The following TNPO1 variants were observed in gnomAD, a reference collection of about 807,000 sequenced individuals.
TNPO1 encodes transportin-1.
In TNPO1, 8 loss-of-function variants were observed where a neutral mutation model predicts 119.5. That is an observed-to-expected ratio of 0.07 (90% confidence interval 0.04 to 0.12). The LOEUF is 0.12. Ranked by LOEUF, TNPO1 falls within the 10% of genes least tolerant of loss-of-function variation. The probability of loss-of-function intolerance (pLI) is 1.00; values close to 1 mark genes in which losing one functional copy is unlikely to be tolerated. For missense variants in TNPO1, 576 were observed against 1,089.8 expected, an observed-to-expected ratio of 0.53 and a Z score of 6.64; for synonymous variants, 362 against 363.0, an observed-to-expected ratio of 1.00 and a Z score of 0.03.
intron 3 of TNPO1, among the ~76,000 whole-genome samples, chr5:72,853,992 A>G (rs1396949297): frequency 2.6e-5 from 4 of 152,186 alleles, no homozygotes; most frequent in Non-Finnish European, 4.4e-5. Flanking sequence ...TTAATATTGA[A>G]TTGTTTCACC....
chr5:72,851,466 A>G, intron 3 of TNPO1, 147 bp downstream of exon 3: 1 of 566,820 alleles, frequency 1.8e-6, no homozygotes, highest in Non-Finnish European at 3.1e-6. Flanking sequence ...AATACCACTC[A>G]GTATTTACAT....
At chr5:72,849,044 G>A (rs1330679005) in intron 2 of TNPO1, among the ~76,000 whole-genome samples, 3 of 151,780 alleles carry the variant, frequency 2.0e-5, no homozygotes, top group South Asian at 2.1e-4. Context: ...CCACGTCCTT[G>A]CCCTAAAAAG....
Position 72,909,219 on chromosome 5 carries a change from ATATAGT to A in TNPO1, c.*549_*554del, listed in dbSNP as rs1350800159. On this transcript the variant is annotated 3_prime_UTR_variant, in exon 25 of 25. Coordinates refer to ENST00000337273, the MANE Select transcript of TNPO1 (RefSeq NM_002270.4). ...ATGAAGAACTACACAAAGAAAACTA[ATATAGT>A]TAAAAGTCAGCTTGCCTTCCCGTAG... 3 of 152,886 alleles carry A rather than the reference ATATAGT, an allele frequency of 2.0e-5. No homozygotes were observed. Among genetic ancestry groups the A allele is most frequent in the East Asian group, 3.8e-4 (2 of 5,212 alleles). 9.5% of individuals were successfully genotyped at this position (152,886 alleles called of 1,614,324 possible).
chr5:72,870,672 AT>A (rs1206879074), intron 6 of TNPO1, among the ~76,000 whole-genome samples: 1 of 152,138 alleles, frequency 6.6e-6, no homozygotes, highest in Non-Finnish European at 1.5e-5. Context: ...GTTTCTTTTA[AT>A]TTAAAATGTA....
chr5:72,912,714 C>T lies in TNPO1; in HGVS notation c.*4041C>T, dbSNP rs948612328. ...ATAGGAAAGTGGAAATTTTTCTCCC[C>T]TATATAAAATTATTCTGCCTAGCAG... is the stretch of plus-strand genomic sequence containing the variant. On this transcript the variant is annotated 3_prime_UTR_variant, in exon 25 of 25. Transcript: ENST00000337273. 6.6e-6 allele frequency: 1 copy of T among 152,230 alleles called. No individual in the cohort carries two copies. Among genetic ancestry groups the T allele is most frequent in the Non-Finnish European group, 1.5e-5 (1 of 67,880 alleles). 9.4% of individuals were successfully genotyped at this position (152,230 alleles called of 1,614,324 possible).
rs532662363 is a variant in TNPO1 at position 72,867,398 on chromosome 5, G to A, written c.596+1669G>A. ...GTACTCTTAAGCGTTCTCTCTCAAC[G>A]TAACTGTTGGACTTCAAGAATATAA... On this transcript the variant is annotated intron_variant, in intron 6 of 24. Transcript: ENST00000337273. Among the ~76,000 whole-genome samples, 10 of 151,682 alleles carry A rather than the reference G, an allele frequency of 6.6e-5. No individual in the cohort carries two copies. The South Asian group carries it at 1.5e-3, about 22-fold the overall frequency.
chr5:72,816,931 GC>G, intron 1 of TNPO1, 179 bp downstream of exon 1: 1 of 656,456 alleles, frequency 1.5e-6, no homozygotes, highest in Non-Finnish European at 2.3e-6. Flanking sequence ...ACAGCTGCCC[GC>G]CCAGGCGCCC....
At chr5:72,849,770 A>C (rs1279780712) in intron 2 of TNPO1, among the ~76,000 whole-genome samples, 1 of 152,212 alleles carries the variant, frequency 6.6e-6, no homozygotes. Flanking sequence ...TGTATCTTGT[A>C]AACAGTGCTA....
intron 6 of TNPO1, 37 bp from the exon 7 acceptor site, chr5:72,872,602 C>G (rs1336110111): frequency 6.9e-7 from 1 of 1,450,772 alleles, no homozygotes; most frequent in East Asian, 2.3e-5. Flanking sequence ...AACAAAGTTA[C>G]AATGAGCATA....
At chr5:72,891,272 C>T (rs1749031367) in intron 14 of TNPO1, among the ~76,000 whole-genome samples, 1 of 152,054 alleles carries the variant, frequency 6.6e-6, no homozygotes, top group Admixed American at 6.5e-5. Flanking sequence ...CGACACCATC[C>T]TGGCTAACAC....
intron 7 of TNPO1, among the ~76,000 whole-genome samples, chr5:72,874,703 CTCTT>C (rs1257169155): frequency 2.0e-5 from 3 of 152,156 alleles, no homozygotes; most frequent in Non-Finnish European, 2.9e-5. Context: ...TGAATTTCTC[CTCTT>C]TCTTATAATG....
chr5:72,847,316 A>C (rs1019938301), intron 1 of TNPO1, among the ~76,000 whole-genome samples: 2 of 152,202 alleles, frequency 1.3e-5, no homozygotes, highest in African/African-American at 4.8e-5. Flanking sequence ...CTTGATACTT[A>C]CATTTTGTTG....
At chr5:72,895,239 A>AAATTGTTGTGT (rs1749344821) in intron 18 of TNPO1, among the ~76,000 whole-genome samples, 1 of 152,058 alleles carries the variant, frequency 6.6e-6, no homozygotes, top group Admixed American at 6.6e-5. Context: ...CGTTGTATTT[A>AAATTGTTGTGT]CTGTAAATTG....
chr5:72,905,486 A>G, intron 24 of TNPO1, 41 bp downstream of exon 24: 1 of 998,422 alleles, frequency 1.0e-6, no homozygotes, highest in Non-Finnish European at 1.5e-6. Context: ...GATGAAGAAA[A>G]TTTTGTTAGG....
intron 4 of TNPO1, among the ~76,000 whole-genome samples, chr5:72,859,075 C>G (rs1344259218): frequency 6.6e-6 from 1 of 151,610 alleles, no homozygotes; most frequent in East Asian, 1.9e-4. Flanking sequence ...TGAAAATCAT[C>G]TCTAAGAATT....
intron 7 of TNPO1, among the ~76,000 whole-genome samples, chr5:72,873,013 A>G (rs545486608): frequency 6.6e-6 from 1 of 152,134 alleles, no homozygotes; most frequent in South Asian, 2.1e-4. Context: ...TTCCTTCAAT[A>G]TACTGTTCAA....
At chr5:72,885,723 T>C (rs527885471) in intron 11 of TNPO1, among the ~76,000 whole-genome samples, 31 of 149,016 alleles carry the variant, frequency 2.1e-4, no homozygotes, top group Non-Finnish European at 3.6e-4. Context: ...AATGTAATGG[T>C]TTTGTTTTGG....
intron 4 of TNPO1, among the ~76,000 whole-genome samples, chr5:72,858,822 G>A (rs1344282631): frequency 6.6e-6 from 1 of 151,242 alleles, no homozygotes; most frequent in Non-Finnish European, 1.5e-5. Flanking sequence ...GGATGACAGA[G>A]TGAGACTCCG....
rs1401426535 is a variant in TNPO1, at chr5:72,861,875, C to T, written c.423C>T (p.Leu141=). The T allele has an allele frequency of 1.2e-6, 2 of 1,613,676 alleles. No individual in the cohort carries two copies. The highest frequency in any genetic ancestry group is 1.7e-6 in the Non-Finnish European group (2 of 1,179,598). The part of the protein sequence containing the change: ...LQNWPDLLPK[L]CSLLDSEDYN... ...ATTGGCCTGACCTCTTACCAAAACTCTGTAGCCTGTTGGATTCTGAAGATT... is the reference window on the plus strand; with the variant it reads ...ATTGGCCTGACCTCTTACCAAAACTTTGTAGCCTGTTGGATTCTGAAGATT... The change falls in exon 5 of 25, where the codon CTC becomes CTT. Residue 141 remains leucine (L), a synonymous_variant. Coordinates refer to ENST00000337273, the MANE Select transcript of TNPO1 (RefSeq NM_002270.4).
Sources: allele counts gnomAD v4.1 joint callset (sites outside exome capture counted in the v4.1 genomes callset), GRCh38; gene constraint gnomAD v4.1.1; transcripts MANE v1.5; gene names NCBI Gene and HGNC (gene_info 2026-07-23, HGNC 2026-07-21).